The following VPS13B variants were observed in gnomAD, a reference collection of about 807,000 sequenced individuals.
The protein encoded by VPS13B is vacuolar protein sorting 13 homolog B, also known as intermembrane lipid transfer protein VPS13B.
Under a neutral mutation model 426.4 loss-of-function variants are expected in VPS13B, and 285 were observed. That is an observed-to-expected ratio of 0.67 (90% CI 0.61 to 0.74). The LOEUF (loss-of-function observed/expected upper bound fraction) is 0.74, where lower values mean the gene tolerates loss of function less well. VPS13B is among the 30% of genes least tolerant of loss of function. The probability of loss-of-function intolerance (pLI) is 0.00; values close to 1 mark genes in which losing one functional copy is unlikely to be tolerated. For synonymous variants in VPS13B, 1,676 were observed against 1,676.4 expected (o/e 1.00, Z 0.01); for missense variants, 4,537 against 4,782.6 (o/e 0.95, Z 1.51).
At chr8:99,616,194 A>G (rs912149845) in intron 33 of VPS13B, among the ~76,000 whole-genome samples, 1 of 152,202 alleles carries the variant, frequency 6.6e-6, no homozygotes, top group Non-Finnish European at 1.5e-5. Flanking sequence ...AGGGAGAAGA[A>G]GAGCCTATAT....
chr8:99,169,592 A>G (rs1281249175), intron 15 of VPS13B, among the ~76,000 whole-genome samples: 1 of 151,898 alleles, frequency 6.6e-6, no homozygotes, highest in Non-Finnish European at 1.5e-5. Context: ...ATACAAGGTG[A>G]AGACAAAATA....
intron 16 of VPS13B, among the ~76,000 whole-genome samples, chr8:99,170,774 A>G (rs1351121887): frequency 6.6e-6 from 1 of 151,622 alleles, no homozygotes; most frequent in African/African-American, 2.4e-5. Context: ...TGCTTTTAAT[A>G]TATTGTTTAA....
At chr8:99,740,443 C>T (rs532464235) in intron 39 of VPS13B, among the ~76,000 whole-genome samples, 128 of 152,206 alleles carry the variant, frequency 8.4e-4, no homozygotes, top group African/African-American at 2.9e-3. Context: ...GCAAGGCAGG[C>T]CAACATTCAA....
chr8:99,013,293 C>G lies in VPS13B; in HGVS notation c.-84C>G. 1 of 241,186 alleles carries G rather than the reference C, an allele frequency of 4.1e-6. No individual in the cohort carries two copies. Among genetic ancestry groups the G allele is most frequent in the South Asian group, 5.2e-5 (1 of 19,122 alleles). The allele number at this position is 241,186 out of a possible 1,614,324, so 14.9% of individuals were successfully genotyped here. A position where few individuals can be genotyped will look rare whatever the true frequency, so the allele number is the denominator to read the frequency against. On this transcript the variant is annotated 5_prime_UTR_variant, in exon 1 of 62. Coordinates refer to ENST00000357162, the MANE Select transcript of VPS13B (RefSeq NM_152564.5). ...CGCGGTACAGGAGCAGCACTGCCGG[C>G]GGGGGCGGGTGCCAGGGACTTGGAG...
intron 3 of VPS13B, among the ~76,000 whole-genome samples, chr8:99,072,350 C>G (rs998281957): frequency 1.3e-5 from 2 of 152,112 alleles, no homozygotes; most frequent in Non-Finnish European, 2.9e-5. Context: ...TTTCTTCTGG[C>G]CCAGGATGGT....
intron 34 of VPS13B, among the ~76,000 whole-genome samples, chr8:99,647,587 A>AT (rs1186123296): frequency 6.6e-6 from 1 of 152,136 alleles, no homozygotes; most frequent in Non-Finnish European, 1.5e-5. Context: ...AAAAAAAAAA[A>AT]AAAGGTTTAA....
chr8:99,804,175 G>A (rs1813272731), intron 43 of VPS13B: 1 of 152,674 alleles, frequency 6.5e-6, no homozygotes, highest in African/African-American at 2.4e-5. Flanking sequence ...GAAGGTGTTG[G>A]GCCTCGTGGT....
chr8:99,804,418 A>C (rs1466858289), intron 43 of VPS13B: 3 of 151,986 alleles, frequency 2.0e-5, no homozygotes, highest in African/African-American at 7.3e-5. Context: ...CATATGGCCA[A>C]CCTCCTATCA....
chr8:99,277,976 G>A (rs1457284693), intron 19 of VPS13B, among the ~76,000 whole-genome samples: 1 of 152,176 alleles, frequency 6.6e-6, no homozygotes, highest in Non-Finnish European at 1.5e-5. Flanking sequence ...TCTTTCTGGA[G>A]GCTTAAGGGA....
intron 17 of VPS13B, among the ~76,000 whole-genome samples, chr8:99,238,241 AGTGTGTGTGTGTGT>A (rs199541620): frequency 1.1e-4 from 17 of 149,936 alleles, no homozygotes; most frequent in Non-Finnish European, 2.1e-4. Context: ...AGTTTGTGGG[AGTGTGTGTGTGTGT>A]GTGTGTGTGT....
chr8:99,740,551 A>G (rs1212803683), intron 39 of VPS13B, among the ~76,000 whole-genome samples: 1 of 152,224 alleles, frequency 6.6e-6, no homozygotes, highest in Non-Finnish European at 1.5e-5. Context: ...ACAATGGAAA[A>G]AATGTTAAGG....
intron 39 of VPS13B, among the ~76,000 whole-genome samples, chr8:99,748,561 C>G (rs1484322176): frequency 1.3e-5 from 2 of 151,906 alleles, no homozygotes; most frequent in African/African-American, 2.4e-5. Flanking sequence ...TGGTGCTAAA[C>G]TATTATATGT....
At chr8:99,483,833 C>G (rs1820166203) in intron 25 of VPS13B, among the ~76,000 whole-genome samples, 1 of 152,068 alleles carries the variant, frequency 6.6e-6, no homozygotes, top group African/African-American at 2.4e-5. Context: ...ATGGTGACAG[C>G]TTTTGGTCAT....
At chr8:99,556,781 A>AT in intron 31 of VPS13B, 128 bp downstream of exon 31, 1 of 1,027,648 alleles carries the variant, frequency 9.7e-7, no homozygotes, top group Non-Finnish European at 1.5e-6. Flanking sequence ...CATTATAAGC[A>AT]TAAAAAATAT....
At chr8:99,474,635 CAG>C (rs890872518) in intron 24 of VPS13B, among the ~76,000 whole-genome samples, 11 of 152,094 alleles carry the variant, frequency 7.2e-5, no homozygotes, top group African/African-American at 2.4e-4. Context: ...ATATCATTAT[CAG>C]GGGAAAAACG....
intron 51 of VPS13B, among the ~76,000 whole-genome samples, chr8:99,830,964 G>A (rs1342996601): frequency 6.6e-6 from 1 of 151,432 alleles, no homozygotes; most frequent in Non-Finnish European, 1.5e-5. Flanking sequence ...GATGAGCCAC[G>A]TACCTCAGTT....
chr8:99,810,196 G>A (rs763818385), intron 44 of VPS13B, among the ~76,000 whole-genome samples: 5 of 152,140 alleles, frequency 3.3e-5, no homozygotes, highest in Non-Finnish European at 1.5e-5. Context: ...GTGAAAATGT[G>A]GTTTCTAAAA....
At chr8:99,349,332 C>CAGAAAA (rs1811732381) in intron 19 of VPS13B, among the ~76,000 whole-genome samples, 1 of 47,732 alleles carries the variant, frequency 2.1e-5, no homozygotes, top group African/African-American at 1.0e-4. Context: ...GACTCCGTCT[C>CAGAAAA]AAAAAAAAAA....
intron 25 of VPS13B, among the ~76,000 whole-genome samples, chr8:99,492,647 C>G (rs1235253446): frequency 6.6e-6 from 1 of 152,182 alleles, no homozygotes; most frequent in African/African-American, 2.4e-5. Flanking sequence ...AGTGAGCAAG[C>G]CTCCCTGGGA....
Sources: allele counts gnomAD v4.1 joint callset (sites outside exome capture counted in the v4.1 genomes callset), GRCh38; gene constraint gnomAD v4.1.1; transcripts MANE v1.5; gene names NCBI Gene and HGNC (gene_info 2026-07-23, HGNC 2026-07-21).